CRPPA: variants seen among roughly 807,000 people sequenced by gnomAD.
CRPPA encodes the protein CDP-L-ribitol pyrophosphorylase A, also known as D-ribitol-5-phosphate cytidylyltransferase.
Under a neutral mutation model 52.0 loss-of-function variants are expected in CRPPA, and 43 were observed. The ratio of observed to expected loss-of-function variants is 0.83; its 90% confidence interval spans 0.65 to 1.07. CRPPA has a LOEUF of 1.07. Among genes scored for constraint, CRPPA ranks in the 50% least tolerant of loss-of-function variants. The probability of loss-of-function intolerance (pLI) is 0.00; values close to 1 mark genes in which losing one functional copy is unlikely to be tolerated. For synonymous variants in CRPPA, 250 were observed against 203.5 expected, an observed-to-expected ratio of 1.23 and a Z score of -1.94; for missense variants, 629 against 551.7, an observed-to-expected ratio of 1.14 and a Z score of -1.40.
At chr7:16,192,853 T>C (rs538805310) in intron 9 of CRPPA, among the ~76,000 whole-genome samples, 5 of 152,148 alleles carry the variant, frequency 3.3e-5, no homozygotes, top group Middle Eastern at 3.2e-3. Flanking sequence ...CTTGACACCT[T>C]TGTCAAAAAT....
At chr7:16,370,129 T>G (rs1364834437) in intron 3 of CRPPA, among the ~76,000 whole-genome samples, 1 of 152,156 alleles carries the variant, frequency 6.6e-6, no homozygotes, top group Non-Finnish European at 1.5e-5. Context: ...TCAGGGAAGT[T>G]AGCCAATGAA....
At chr7:16,116,848 A>G (rs1336317652) in intron 9 of CRPPA, among the ~76,000 whole-genome samples, 1 of 152,138 alleles carries the variant, frequency 6.6e-6, no homozygotes, top group African/African-American at 2.4e-5. Context: ...CATGAATAAG[A>G]TTTGTAGCTT....
chr7:16,399,114 G>T (rs1787713368), intron 2 of CRPPA, among the ~76,000 whole-genome samples: 1 of 152,130 alleles, frequency 6.6e-6, no homozygotes, highest in Non-Finnish European at 1.5e-5. Context: ...GTCATTTTGG[G>T]TCAGCACGTG....
At chr7:16,100,239 A>G (rs144651291) in intron 9 of CRPPA, among the ~76,000 whole-genome samples, 253 of 152,324 alleles carry the variant, frequency 1.7e-3, no homozygotes, top group African/African-American at 5.4e-3. Flanking sequence ...CAATTTTTAA[A>G]GACTCAGCTG....
At chr7:16,402,061 C>T (rs1302832469) in intron 2 of CRPPA, among the ~76,000 whole-genome samples, 1 of 151,700 alleles carries the variant, frequency 6.6e-6, no homozygotes, top group Non-Finnish European at 1.5e-5. Flanking sequence ...GCGTGTGCTA[C>T]TTGATTAGAA....
chr7:16,126,983 T>C (rs1468584540), intron 9 of CRPPA, among the ~76,000 whole-genome samples: 2 of 152,166 alleles, frequency 1.3e-5, no homozygotes, highest in Non-Finnish European at 1.5e-5. Context: ...GAAAATAATG[T>C]GAACAGTGAA....
At chr7:16,399,741 T>C (rs1282748502) in intron 2 of CRPPA, among the ~76,000 whole-genome samples, 1 of 151,820 alleles carries the variant, frequency 6.6e-6, no homozygotes, top group African/African-American at 2.4e-5. Context: ...GATTGACATG[T>C]AACTGACACG....
At chr7:16,215,703 A>AT (rs1223016735) in intron 9 of CRPPA, among the ~76,000 whole-genome samples, 2 of 152,206 alleles carry the variant, frequency 1.3e-5, no homozygotes, top group African/African-American at 4.8e-5. Context: ...AAATATAAGA[A>AT]TTTTATTAGA....
At chr7:16,156,981 G>T (rs1361031656) in intron 9 of CRPPA, among the ~76,000 whole-genome samples, 1 of 152,176 alleles carries the variant, frequency 6.6e-6, no homozygotes, top group Non-Finnish European at 1.5e-5. Flanking sequence ...CATGTGAGCA[G>T]CAATAACATA....
chr7:16,227,534 A>G (rs1382057111), intron 8 of CRPPA, among the ~76,000 whole-genome samples: 1 of 151,752 alleles, frequency 6.6e-6, no homozygotes, highest in African/African-American at 2.4e-5. Context: ...TCCTTTTCAG[A>G]CACGTCTATT....
chr7:16,411,830 A>G (rs1250212214), intron 1 of CRPPA, among the ~76,000 whole-genome samples: 3 of 152,192 alleles, frequency 2.0e-5, no homozygotes, highest in Admixed American at 2.0e-4. Flanking sequence ...TTTTTAAAGG[A>G]AAGATTACAA....
intron 9 of CRPPA, among the ~76,000 whole-genome samples, chr7:16,120,152 G>C (rs540947374): frequency 6.6e-6 from 1 of 152,282 alleles, no homozygotes; most frequent in South Asian, 2.1e-4. Context: ...TACTAACAAA[G>C]CCCTTCTCCT....
chr7:16,393,180 G>A (rs918802694), intron 2 of CRPPA, among the ~76,000 whole-genome samples: 3 of 152,118 alleles, frequency 2.0e-5, no homozygotes, highest in African/African-American at 4.8e-5. Context: ...TTGCTGGATG[G>A]ATAAGTGATT....
intron 2 of CRPPA, among the ~76,000 whole-genome samples, chr7:16,387,837 A>G (rs1458951204): frequency 6.6e-6 from 1 of 152,202 alleles, no homozygotes; most frequent in South Asian, 2.1e-4. Context: ...ACAGCAGAAT[A>G]CCTATTTGAA....
At chr7:16,129,362 C>A (rs372336930) in intron 9 of CRPPA, among the ~76,000 whole-genome samples, 18 of 152,198 alleles carry the variant, frequency 1.2e-4, no homozygotes, top group East Asian at 3.9e-4. Flanking sequence ...CTTTTTAGCA[C>A]ATCTGTGTCC....
intron 6 of CRPPA, among the ~76,000 whole-genome samples, chr7:16,273,354 T>G (rs1319214226): frequency 6.6e-6 from 1 of 150,708 alleles, no homozygotes; most frequent in African/African-American, 2.4e-5. Context: ...ACTAGCAGAG[T>G]GATGGCAGAG....
chr7:16,244,635 T>G (rs888549518), intron 8 of CRPPA, among the ~76,000 whole-genome samples: 3 of 152,198 alleles, frequency 2.0e-5, no homozygotes, highest in African/African-American at 7.2e-5. Flanking sequence ...TCATTTTTCT[T>G]TAAATATCTG....
At chr7:16,150,690 C>G (rs1583392034) in intron 9 of CRPPA, among the ~76,000 whole-genome samples, 1 of 152,156 alleles carries the variant, frequency 6.6e-6, no homozygotes, top group Non-Finnish European at 1.5e-5. Context: ...GATGCCTTGT[C>G]TTAGTCCATT....
intron 3 of CRPPA, among the ~76,000 whole-genome samples, chr7:16,371,692 A>G (rs1196690736): frequency 6.6e-6 from 1 of 152,036 alleles, no homozygotes; most frequent in African/African-American, 2.4e-5. Context: ...GATCCCAAGC[A>G]ATGGATACAA....
Sources: allele counts gnomAD v4.1 joint callset (sites outside exome capture counted in the v4.1 genomes callset), GRCh38; gene constraint gnomAD v4.1.1; transcripts MANE v1.5; gene names NCBI Gene and HGNC (gene_info 2026-07-23, HGNC 2026-07-21).